The following CDH13 variants were observed in gnomAD, a reference collection of about 807,000 sequenced individuals.
CDH13 encodes cadherin 13.
CDH13 carries 24 observed loss-of-function variants against 63.8 expected under a neutral mutation model. That is an observed-to-expected ratio of 0.38 (90% CI 0.27 to 0.53). The LOEUF (loss-of-function observed/expected upper bound fraction) is 0.53. CDH13 is among the 20% of genes least tolerant of loss of function. The pLI is 0.85. For missense variants in CDH13, 1,049 were observed against 903.1 expected, an observed-to-expected ratio of 1.16 and a Z score of -2.07; for synonymous variants, 503 against 355.3, an observed-to-expected ratio of 1.42 and a Z score of -4.67.
chr16:83,763,904 G>A (rs895797814), intron 11 of CDH13, among the ~76,000 whole-genome samples: 18 of 152,038 alleles, frequency 1.2e-4, no homozygotes, highest in African/African-American at 4.3e-4. Context: ...CTGAGATAAT[G>A]GAGCCTAGTG....
At position 83,631,317 on chromosome 16, in the gene CDH13, T is replaced by C. The variant is rs1440070864; in HGVS notation, c.1101+28723T>C. Among the ~76,000 whole-genome samples the C allele has an allele frequency of 2.0e-5, 3 of 151,998 alleles. No homozygotes were observed. The East Asian group carries it at 5.8e-4, about 29-fold the overall frequency. On this transcript the variant is annotated intron_variant, in intron 8 of 13. Coordinates refer to ENST00000567109, the MANE Select transcript of CDH13 (RefSeq NM_001257.5). ...ACTGCCCTGTGTCCATAAATGCTTC[T>C]TGGGTTTGGGGCTTTAATCAGATTT...
chr16:83,556,620 A>C (rs1428803237), intron 7 of CDH13, among the ~76,000 whole-genome samples: 1 of 152,210 alleles, frequency 6.6e-6, no homozygotes, highest in Non-Finnish European at 1.5e-5. Flanking sequence ...TCATCACCAC[A>C]TTCTTCTCCT....
At chr16:83,000,944 T>G (rs552564305) in intron 2 of CDH13, among the ~76,000 whole-genome samples, 14 of 152,318 alleles carry the variant, frequency 9.2e-5, no homozygotes, top group African/African-American at 3.4e-4. Context: ...TATTTGCTTT[T>G]CTCTCTTTCC....
chr16:82,736,603 G>A (rs892318473), intron 1 of CDH13, among the ~76,000 whole-genome samples: 1 of 152,152 alleles, frequency 6.6e-6, no homozygotes, highest in Non-Finnish European at 1.5e-5. Context: ...GGTTCATTTT[G>A]TGATGGTATT....
intron 2 of CDH13, among the ~76,000 whole-genome samples, chr16:82,935,917 C>A (rs759021682): frequency 6.6e-6 from 1 of 152,084 alleles, no homozygotes; most frequent in Non-Finnish European, 1.5e-5. Context: ...AAAAGACCAG[C>A]GGGTGGCAGC....
At chr16:82,927,306 G>A (rs1046636739) in intron 2 of CDH13, among the ~76,000 whole-genome samples, 1 of 152,166 alleles carries the variant, frequency 6.6e-6, no homozygotes, top group African/African-American at 2.4e-5. Flanking sequence ...CCTACTCACG[G>A]AGAGTCATGT....
At chr16:82,785,992 C>T (rs762247140) in intron 1 of CDH13, among the ~76,000 whole-genome samples, 27 of 152,098 alleles carry the variant, frequency 1.8e-4, no homozygotes, top group Non-Finnish European at 3.2e-4. Context: ...ACCACACAGG[C>T]TAAACTAATT....
chr16:83,148,127 G>A (rs4462577), intron 4 of CDH13, among the ~76,000 whole-genome samples: 10,988 of 152,136 alleles, frequency 0.072, 544 homozygotes, highest in East Asian at 0.17. Flanking sequence ...TAGTAGGCAC[G>A]GGGTTTCACC....
intron 6 of CDH13, among the ~76,000 whole-genome samples, chr16:83,483,769 T>A (rs1458110983): frequency 6.6e-6 from 1 of 152,176 alleles, no homozygotes; most frequent in Non-Finnish European, 1.5e-5. Context: ...TGATTTCTGA[T>A]GGGGATATCC....
At chr16:83,662,817 A>C (rs936904094) in intron 8 of CDH13, among the ~76,000 whole-genome samples, 2 of 152,198 alleles carry the variant, frequency 1.3e-5, no homozygotes, top group Non-Finnish European at 2.9e-5. Context: ...TGCTCAAGGC[A>C]GCTGGAGTGA....
intron 3 of CDH13, among the ~76,000 whole-genome samples, chr16:83,102,630 G>A (rs7193877): frequency 2.0e-5 from 3 of 151,892 alleles, no homozygotes; most frequent in African/African-American, 7.3e-5. Flanking sequence ...CGTTTCAACA[G>A]GACCGCTCTG....
chr16:83,235,531 C>T (rs1317110433), intron 5 of CDH13, among the ~76,000 whole-genome samples: 1 of 151,696 alleles, frequency 6.6e-6, no homozygotes, highest in Admixed American at 6.6e-5. Flanking sequence ...TGACCAGTAA[C>T]ACGGTTCTAG....
At chr16:82,740,313 C>T (rs1185706172) in intron 1 of CDH13, among the ~76,000 whole-genome samples, 2 of 152,164 alleles carry the variant, frequency 1.3e-5, no homozygotes, top group Admixed American at 1.3e-4. Flanking sequence ...GATGAGATGA[C>T]GTTCTCCATT....
At chr16:82,742,482 C>G (rs1369973574) in intron 1 of CDH13, among the ~76,000 whole-genome samples, 3 of 152,028 alleles carry the variant, frequency 2.0e-5, no homozygotes, top group African/African-American at 7.2e-5. Flanking sequence ...ATGTATAGCT[C>G]TTTATGTGAG....
At chr16:83,666,608 G>C (rs1913975181) in intron 8 of CDH13, among the ~76,000 whole-genome samples, 1 of 152,166 alleles carries the variant, frequency 6.6e-6, no homozygotes, top group African/African-American at 2.4e-5. Context: ...AGTTCTCTCT[G>C]GCTCTCCCCT....
At chr16:83,424,722 A>G (rs927124733) in intron 6 of CDH13, among the ~76,000 whole-genome samples, 1 of 152,192 alleles carries the variant, frequency 6.6e-6, no homozygotes, top group African/African-American at 2.4e-5. Flanking sequence ...ATTATTGTAT[A>G]ATTTCTGGTT....
intron 5 of CDH13, among the ~76,000 whole-genome samples, chr16:83,228,515 T>C (rs1224595850): frequency 6.6e-6 from 1 of 152,220 alleles, no homozygotes; most frequent in Non-Finnish European, 1.5e-5. Flanking sequence ...CAATCGACTA[T>C]ATTATCTTGT....
rs937250771 is a variant in CDH13, at chr16:83,065,732, A to G, written c.366+33514A>G. Among the ~76,000 whole-genome samples, 27 of 150,652 alleles carry G rather than the reference A, an allele frequency of 1.8e-4. No homozygotes were observed. In the East Asian group the frequency reaches 3.3e-3, roughly 18 times the overall value. On this transcript the variant is annotated intron_variant, in intron 3 of 13. Transcript: ENST00000567109. The stretch of plus-strand genomic sequence containing the variant: ...AAAAAACAAAAAAACAAAAAAACAA[A>G]AAAAAAAAAACAAGACTACTTTTAG...
At chr16:83,505,606 G>A (rs913945129) in intron 7 of CDH13, among the ~76,000 whole-genome samples, 1 of 141,906 alleles carries the variant, frequency 7.0e-6, no homozygotes, top group Non-Finnish European at 1.5e-5. Flanking sequence ...TGCAATGGTG[G>A]AATCTCGGCT....
Sources: allele counts gnomAD v4.1 joint callset (sites outside exome capture counted in the v4.1 genomes callset), GRCh38; gene constraint gnomAD v4.1.1; transcripts MANE v1.5; gene names NCBI Gene and HGNC (gene_info 2026-07-23, HGNC 2026-07-21).